The following TTC28 variants were observed in gnomAD, a reference collection of about 807,000 sequenced individuals.
TTC28 encodes tetratricopeptide repeat protein 28.
A neutral mutation model predicts 198.0 loss-of-function variants in TTC28; 61 were observed. That is an observed-to-expected ratio of 0.31 (90% confidence interval 0.25 to 0.38). The LOEUF is 0.38. Ranked by LOEUF, TTC28 falls within the 10% of genes least tolerant of loss-of-function variation. The pLI, the probability that TTC28 is intolerant of heterozygous loss-of-function variation, is 1.00. For missense variants in TTC28, 2,678 were observed against 3,164.0 expected (o/e 0.85, Z 3.69); for synonymous variants, 1,171 against 1,297.8 (o/e 0.90, Z 2.10).
At chr22:28,173,762 A>C (rs565289680) in intron 5 of TTC28, among the ~76,000 whole-genome samples, 194 of 152,332 alleles carry the variant, frequency 1.3e-3, no homozygotes, top group Admixed American at 2.8e-3. Flanking sequence ...TAAACTACCC[A>C]AACTATAACC....
intron 1 of TTC28, among the ~76,000 whole-genome samples, chr22:28,634,571 C>A: frequency 6.7e-6 from 1 of 150,206 alleles, no homozygotes; most frequent in Non-Finnish European, 1.5e-5. Flanking sequence ...ACATAACTTC[C>A]CAAGTCCTTT....
chr22:28,461,317 T>TA (rs1308002746), intron 2 of TTC28, among the ~76,000 whole-genome samples: 1 of 152,214 alleles, frequency 6.6e-6, no homozygotes, highest in Non-Finnish European at 1.5e-5. Context: ...GAAATGCCAT[T>TA]ATACCTCTCA....
At chr22:28,026,495 T>C (rs1249603606) in intron 13 of TTC28, among the ~76,000 whole-genome samples, 2 of 152,120 alleles carry the variant, frequency 1.3e-5, no homozygotes, top group Non-Finnish European at 2.9e-5. Context: ...TCTATAGTCA[T>C]GGAGGCTGGG....
chr22:28,561,105 G>C (rs537552278), intron 2 of TTC28, among the ~76,000 whole-genome samples: 14 of 99,318 alleles, frequency 1.4e-4, no homozygotes, highest in South Asian at 3.2e-4. Flanking sequence ...ACGGAGTCTC[G>C]CTCAGTCACC....
At chr22:28,250,787 T>C (rs1379697953) in intron 5 of TTC28, among the ~76,000 whole-genome samples, 2 of 152,344 alleles carry the variant, frequency 1.3e-5, no homozygotes, top group Admixed American at 1.3e-4. Context: ...GCAGAACCCA[T>C]GGATATAGTG....
chr22:28,022,307 A>C (rs1302995913), intron 13 of TTC28, among the ~76,000 whole-genome samples: 2 of 152,228 alleles, frequency 1.3e-5, no homozygotes, highest in African/African-American at 4.8e-5. Flanking sequence ...TACAGGGGTC[A>C]GGGAGGGTCC....
chr22:28,537,294 A>AC (rs2049303922), intron 2 of TTC28, among the ~76,000 whole-genome samples: 1 of 74,564 alleles, frequency 1.3e-5, no homozygotes, highest in Non-Finnish European at 2.6e-5. Flanking sequence ...CTCCGTCTCA[A>AC]AAATAAAATA....
intron 2 of TTC28, among the ~76,000 whole-genome samples, chr22:28,492,052 T>G (rs528997162): frequency 2.6e-5 from 4 of 151,426 alleles, no homozygotes; most frequent in African/African-American, 9.7e-5. Flanking sequence ...TAGGTGAGAA[T>G]TGAACAATGA....
intron 1 of TTC28, among the ~76,000 whole-genome samples, chr22:28,658,103 G>A (rs1038878288): frequency 4.6e-5 from 7 of 152,064 alleles, no homozygotes; most frequent in African/African-American, 1.7e-4. Flanking sequence ...AAAGGCCAAT[G>A]TTAAAATACT....
At chr22:28,517,423 T>A (rs2048810681) in intron 2 of TTC28, among the ~76,000 whole-genome samples, 1 of 152,160 alleles carries the variant, frequency 6.6e-6, no homozygotes, top group Non-Finnish European at 1.5e-5. Flanking sequence ...CAGAGCATCA[T>A]TAAAGATTTG....
At chr22:28,122,108 T>C (rs1467935045) in intron 6 of TTC28, among the ~76,000 whole-genome samples, 1 of 152,202 alleles carries the variant, frequency 6.6e-6, no homozygotes, top group East Asian at 1.9e-4. Flanking sequence ...CCTCAAGTGA[T>C]CCGCCATCCT....
intron 1 of TTC28, among the ~76,000 whole-genome samples, chr22:28,631,148 T>G (rs1472544416): frequency 6.6e-6 from 1 of 152,080 alleles, no homozygotes; most frequent in East Asian, 1.9e-4. Flanking sequence ...AATAAATAAG[T>G]AATGAGAGAA....
intron 12 of TTC28, among the ~76,000 whole-genome samples, chr22:28,083,588 T>C (rs942918302): frequency 6.6e-6 from 1 of 152,248 alleles, no homozygotes; most frequent in Non-Finnish European, 1.5e-5. Flanking sequence ...GCGTGAGCGA[T>C]GCAGAAGACG....
intron 2 of TTC28, among the ~76,000 whole-genome samples, chr22:28,622,904 T>G (rs1448455395): frequency 6.6e-6 from 1 of 151,876 alleles, no homozygotes; most frequent in Non-Finnish European, 1.5e-5. Context: ...TCACTGCAAC[T>G]TCTGCCTCCC....
intron 2 of TTC28, among the ~76,000 whole-genome samples, chr22:28,347,101 A>C (rs1013445694): frequency 1.4e-4 from 21 of 151,532 alleles, no homozygotes; most frequent in African/African-American, 2.2e-4. Flanking sequence ...CATCTCCCCC[A>C]AAAAATACAA....
At chr22:28,284,854 G>C (rs1001988892) in intron 5 of TTC28, among the ~76,000 whole-genome samples, 1 of 152,322 alleles carries the variant, frequency 6.6e-6, no homozygotes, top group South Asian at 2.1e-4. Context: ...ACAATTGTTT[G>C]CAAGGGTGTG....
intron 5 of TTC28, among the ~76,000 whole-genome samples, chr22:28,191,475 C>G (rs542987393): frequency 1.3e-5 from 2 of 152,172 alleles, no homozygotes; most frequent in Admixed American, 1.3e-4. Flanking sequence ...CGAGCGTAAG[C>G]GGAGGCAGGG....
At chr22:28,465,307 C>T (rs762468267) in intron 2 of TTC28, among the ~76,000 whole-genome samples, 34 of 152,108 alleles carry the variant, frequency 2.2e-4, no homozygotes, top group Middle Eastern at 3.4e-3. Context: ...GTCAATTTCC[C>T]AACTTTATAG....
At chr22:28,221,011 A>G (rs760233100) in intron 5 of TTC28, among the ~76,000 whole-genome samples, 5 of 152,202 alleles carry the variant, frequency 3.3e-5, no homozygotes, top group Non-Finnish European at 7.3e-5. Context: ...CAATACAGAT[A>G]AAGAAGTCTG....
Sources: allele counts gnomAD v4.1 joint callset (sites outside exome capture counted in the v4.1 genomes callset), GRCh38; gene constraint gnomAD v4.1.1; transcripts MANE v1.5; gene names NCBI Gene and HGNC (gene_info 2026-07-23, HGNC 2026-07-21).